The following SH3PXD2A variants were observed in gnomAD, a reference collection of about 807,000 sequenced individuals.
SH3PXD2A encodes SH3 and PX domain-containing protein 2A.
In SH3PXD2A, 32 loss-of-function variants were observed where a neutral mutation model predicts 115.2. The ratio of observed to expected loss-of-function variants is 0.28; its 90% CI spans 0.21 to 0.37. The LOEUF is 0.37. Among genes scored for constraint, SH3PXD2A ranks in the 10% least tolerant of loss-of-function variants. The pLI is 1.00. For missense variants in SH3PXD2A, 1,328 were observed against 1,498.7 expected (o/e 0.89, Z 1.88); for synonymous variants, 610 against 629.1 (o/e 0.97, Z 0.45).
intron 3 of SH3PXD2A, among the ~76,000 whole-genome samples, chr10:103,748,907 G>A (rs557565520): frequency 6.6e-5 from 10 of 152,188 alleles, no homozygotes; most frequent in Non-Finnish European, 1.3e-4. Context: ...TTCACGGTGA[G>A]AAGACACCAG....
chr10:103,700,882 G>C (rs1163363390), intron 5 of SH3PXD2A, among the ~76,000 whole-genome samples: 1 of 152,176 alleles, frequency 6.6e-6, no homozygotes, highest in Non-Finnish European at 1.5e-5. Flanking sequence ...TGAAGTCCCT[G>C]AGGAGAAGGT....
intron 8 of SH3PXD2A, among the ~76,000 whole-genome samples, chr10:103,639,787 C>G: frequency 6.6e-6 from 1 of 152,090 alleles, no homozygotes; most frequent in East Asian, 1.9e-4. Flanking sequence ...AGAAGGTAAA[C>G]TCTAATGTCA....
At chr10:103,628,715 C>A (rs887085623) in intron 8 of SH3PXD2A, among the ~76,000 whole-genome samples, 5 of 152,160 alleles carry the variant, frequency 3.3e-5, no homozygotes, top group Non-Finnish European at 7.4e-5. Context: ...GAGACCACAA[C>A]CTTCTCTTAT....
intron 6 of SH3PXD2A, among the ~76,000 whole-genome samples, chr10:103,688,691 G>A (rs1036039350): frequency 6.6e-6 from 1 of 152,154 alleles, no homozygotes; most frequent in Non-Finnish European, 1.5e-5. Flanking sequence ...TGTGATGGGC[G>A]GGGACAAGAG....
chr10:103,779,384 G>A (rs1379173792), intron 2 of SH3PXD2A, among the ~76,000 whole-genome samples: 1 of 152,190 alleles, frequency 6.6e-6, no homozygotes, highest in Non-Finnish European at 1.5e-5. Context: ...GCATCCTCCT[G>A]ATACCCCCGT....
At chr10:103,792,569 T>C (rs2039045867) in intron 2 of SH3PXD2A, among the ~76,000 whole-genome samples, 3 of 152,214 alleles carry the variant, frequency 2.0e-5, no homozygotes, top group South Asian at 4.1e-4. Flanking sequence ...AGTGAGGCAG[T>C]TATTACTATA....
intron 5 of SH3PXD2A, among the ~76,000 whole-genome samples, chr10:103,711,524 G>A (rs1289930253): frequency 6.6e-6 from 1 of 152,174 alleles, no homozygotes; most frequent in Non-Finnish European, 1.5e-5. Flanking sequence ...CAACTCAGTG[G>A]TTAGTCCACC....
At position 103,653,412 on chromosome 10, in the gene SH3PXD2A, G is replaced by A. The variant is rs373987434; in HGVS notation, c.604+7571C>T. Among the ~76,000 whole-genome samples, 18 of 152,318 alleles carry A rather than the reference G, an allele frequency of 1.2e-4. 1 individual carries two copies. The East Asian group carries it at 2.3e-3, about 20-fold the overall frequency. ...AGGTATTGCCCTGAGGCTACAACTC[G>A]GGTGAGCAGTGGTTGTCACTCTGGC... On this transcript the variant is annotated intron_variant, in intron 8 of 14. Coordinates refer to ENST00000369774, the MANE Select transcript of SH3PXD2A (RefSeq NM_001394015.1).
At chr10:103,709,691 G>T (rs1481391030) in intron 5 of SH3PXD2A, among the ~76,000 whole-genome samples, 1 of 152,240 alleles carries the variant, frequency 6.6e-6, no homozygotes, top group Non-Finnish European at 1.5e-5. Context: ...GCCCATATTT[G>T]CCAGTTATTG....
chr10:103,766,791 A>G (rs1224973919), intron 3 of SH3PXD2A, among the ~76,000 whole-genome samples: 2 of 152,194 alleles, frequency 1.3e-5, no homozygotes, highest in African/African-American at 2.4e-5. Context: ...TCATCCATTC[A>G]TAGAACTTGG....
intron 13 of SH3PXD2A, among the ~76,000 whole-genome samples, chr10:103,607,016 C>T (rs1398544744): frequency 2.0e-5 from 3 of 151,454 alleles, no homozygotes; most frequent in African/African-American, 2.4e-5. Flanking sequence ...TGAGGAGCGT[C>T]TCTGCCCGGC....
At position 103,661,082 on chromosome 10, in the gene SH3PXD2A, C is replaced by G. The variant is rs1279938709; in HGVS notation, c.505G>C (p.Glu169Gln). 5 of 1,613,914 alleles carry G rather than the reference C, an allele frequency of 3.1e-6. No individual in the cohort carries two copies. The highest frequency in any genetic ancestry group is 3.3e-5 in the Admixed American group (2 of 60,012). Reference sequence around the variant, plus strand: ...TAGTTGGACACCACCACGTACTGTTCCAGGATCATGGGCTCGGCGGTGGCG... The same window carrying G: ...TAGTTGGACACCACCACGTACTGTTGCAGGATCATGGGCTCGGCGGTGGCG... ...ADATAEPMIL[E>Q]QYVVVSNYKK... Residue 169 changes from glutamate (E) to glutamine (Q), a missense_variant, in exon 8 of 15, where the codon GAA becomes CAA. Glu to Gln is a conservative substitution (Grantham distance 29). Coordinates refer to ENST00000369774, the MANE Select transcript of SH3PXD2A (RefSeq NM_001394015.1).
At chr10:103,847,984 G>T (rs929248606) in intron 1 of SH3PXD2A, among the ~76,000 whole-genome samples, 4 of 148,466 alleles carry the variant, frequency 2.7e-5, no homozygotes, top group African/African-American at 1.0e-4. Flanking sequence ...AGATCCTGAA[G>T]TAGAAGGCAA....
At chr10:103,615,440 C>G (rs994240866) in intron 11 of SH3PXD2A, among the ~76,000 whole-genome samples, 1 of 150,076 alleles carries the variant, frequency 6.7e-6, no homozygotes, top group Non-Finnish European at 1.5e-5. Flanking sequence ...TGAAATGACT[C>G]CAGCGGGAAG....
chr10:103,684,506 G>A (rs1417540623), intron 6 of SH3PXD2A, among the ~76,000 whole-genome samples: 6 of 151,796 alleles, frequency 4.0e-5, no homozygotes, highest in East Asian at 1.9e-4. Flanking sequence ...TTACAGGTGC[G>A]GGCCACCACA....
chr10:103,602,673 TGCATGTCATGTACGAGGTG>T lies in SH3PXD2A; in HGVS notation c.2526_2544del (p.Thr843AlafsTer32), dbSNP rs772841744. On this transcript the variant is annotated frameshift_variant, in exon 15 of 15. Coordinates refer to ENST00000369774, the MANE Select transcript of SH3PXD2A (RefSeq NM_001394015.1). LOFTEE classifies it high-confidence loss of function. ...GAGTCCTGGACCTTCTGGTAGGCGC[TGCATGTCATGTACGAGGTG>T]GCTGGCCCTTCCCATTCCTTCTTGG... 1.2e-6 allele frequency: 2 copies of T among 1,614,048 alleles called. No homozygotes were observed.
chr10:103,845,825 C>T (rs954460060), intron 1 of SH3PXD2A, among the ~76,000 whole-genome samples: 7 of 152,112 alleles, frequency 4.6e-5, no homozygotes, highest in East Asian at 3.9e-4. Flanking sequence ...AGTGAGAGTA[C>T]GCCTCAAAAA....
chr10:103,630,411 A>G (rs1183929277), intron 8 of SH3PXD2A, among the ~76,000 whole-genome samples: 1 of 152,116 alleles, frequency 6.6e-6, no homozygotes, highest in Non-Finnish European at 1.5e-5. Flanking sequence ...TTTACCACAG[A>G]TGTGGGCACA....
rs187533819 is a variant in SH3PXD2A at position 103,614,036 on chromosome 10, C to T, written c.921-846G>A. On this transcript the variant is annotated intron_variant, in intron 11 of 14. Transcript: ENST00000369774. ...CTTTGGGAAGCTGAGGCAGGAGGATCGTTTAAGGCCAGCCTGGGCTACATA... is the reference window on the plus strand; with the variant it reads ...CTTTGGGAAGCTGAGGCAGGAGGATTGTTTAAGGCCAGCCTGGGCTACATA... Among the ~76,000 whole-genome samples, 215 of 152,046 alleles carry T rather than the reference C, an allele frequency of 1.4e-3. 1 individual carries two copies. Among genetic ancestry groups the T allele is most frequent in the African/African-American group, 5.0e-3 (208 of 41,428 alleles).
Sources: allele counts gnomAD v4.1 joint callset (sites outside exome capture counted in the v4.1 genomes callset), GRCh38; gene constraint gnomAD v4.1.1; transcripts MANE v1.5; gene names NCBI Gene and HGNC (gene_info 2026-07-23, HGNC 2026-07-21).